The following PTPDC1 variants were observed in gnomAD, a reference collection of about 807,000 sequenced individuals.
PTPDC1 encodes protein tyrosine phosphatase domain-containing protein 1.
PTPDC1 carries 53 observed loss-of-function variants against 75.3 expected under a neutral mutation model. That is an observed-to-expected ratio of 0.70 (90% CI 0.56 to 0.88). The LOEUF (loss-of-function observed/expected upper bound fraction) is 0.88, where lower values mean the gene tolerates loss of function less well. Among genes scored for constraint, PTPDC1 ranks in the 40% least tolerant of loss-of-function variants. The pLI, the probability that PTPDC1 is intolerant of heterozygous loss-of-function variation, is 0.00. For synonymous variants in PTPDC1, 349 were observed against 366.2 expected, an observed-to-expected ratio of 0.95 and a Z score of 0.54; for missense variants, 925 against 998.6, an observed-to-expected ratio of 0.93 and a Z score of 0.99.
chr9:94,107,236 G>A (rs1378702133), intron 8 of PTPDC1, among the ~76,000 whole-genome samples: 1 of 152,204 alleles, frequency 6.6e-6, no homozygotes, highest in African/African-American at 2.4e-5. Context: ...TTACAGGCAT[G>A]AGCCACCACA....
At chr9:94,038,894 G>A (rs1238492554) in intron 1 of PTPDC1, among the ~76,000 whole-genome samples, 2 of 152,118 alleles carry the variant, frequency 1.3e-5, no homozygotes, top group East Asian at 3.8e-4. Context: ...CTTATTGAAA[G>A]GCATTTTAGT....
chr9:94,033,270 A>G, intron 1 of PTPDC1, among the ~76,000 whole-genome samples: 1 of 152,222 alleles, frequency 6.6e-6, no homozygotes, highest in Non-Finnish European at 1.5e-5. Context: ...ATGTTTCTTC[A>G]GAATCATGTT....
upstream of PTPDC1, among the ~76,000 whole-genome samples, chr9:94,079,780 C>T (rs1020107229): frequency 2.6e-5 from 4 of 152,170 alleles, no homozygotes; most frequent in South Asian, 2.1e-4. Context: ...GAGCTTGAGG[C>T]GGGGACAACA....
At chr9:94,094,630 G>C (rs902770403) in intron 4 of PTPDC1, among the ~76,000 whole-genome samples, 1 of 152,202 alleles carries the variant, frequency 6.6e-6, no homozygotes, top group African/African-American at 2.4e-5. Context: ...CGGCTGCTTT[G>C]TTTACCTAAG....
chr9:94,095,388 G>A lies in PTPDC1; in HGVS notation c.688G>A (p.Val230Met), dbSNP rs747662948. The change falls in exon 5 of 9, where the codon GTG becomes ATG. Residue 230 changes from valine to methionine, a missense_variant. Val to Met is a conservative substitution (Grantham distance 21). Transcript: ENST00000620992. ...TACTACTATCCTAGATATGGTGAAGGTGATGACATTTGCCTTACAGGAAGG... is the reference window on the plus strand; with the variant it reads ...TACTACTATCCTAGATATGGTGAAGATGATGACATTTGCCTTACAGGAAGG... ...SLTTILDMVK[V>M]MTFALQEGKV... 3 of 1,613,224 alleles carry A rather than the reference G, an allele frequency of 1.9e-6. No homozygotes were observed. In the African/African-American group the frequency reaches 4.0e-5, roughly 22 times the overall value.
intron 2 of PTPDC1, among the ~76,000 whole-genome samples, chr9:94,076,013 T>TTTG (rs1826673302): frequency 6.6e-6 from 1 of 151,506 alleles, no homozygotes; most frequent in Admixed American, 6.6e-5. Context: ...TTGTTTGTTT[T>TTTG]TTTGAGACGG....
In PTPDC1 at chr9:94,107,827, G is replaced by A; in HGVS notation, c.2311-1G>A. ...CTGAATATAAATTTCTTTGTCACCA[G>A]GTTAATTTTGATTCTGAAAATGGAC... is the stretch of plus-strand genomic sequence containing the variant. On this transcript the variant is annotated splice_acceptor_variant, in intron 8 of 8. Transcript: ENST00000620992. LOFTEE classifies it high-confidence loss of function. 1 of 1,560,786 alleles carries A rather than the reference G, an allele frequency of 6.4e-7. No individual in the cohort carries two copies. The highest frequency in any genetic ancestry group is 1.2e-5 in the South Asian group (1 of 86,164).
At chr9:94,040,643 C>T (rs1825402782) in intron 1 of PTPDC1, among the ~76,000 whole-genome samples, 3 of 152,002 alleles carry the variant, frequency 2.0e-5, no homozygotes, top group African/African-American at 7.2e-5. Context: ...ATACTCCCAT[C>T]ATTAGTATTT....
At chr9:94,047,796 G>C (rs909788300) in intron 1 of PTPDC1, among the ~76,000 whole-genome samples, 13 of 152,158 alleles carry the variant, frequency 8.5e-5, no homozygotes, top group Admixed American at 2.0e-4. Context: ...ACACCTCTAT[G>C]CAAATAAACT....
chr9:94,034,607 G>C (rs377607710), intron 1 of PTPDC1, among the ~76,000 whole-genome samples: 1 of 152,104 alleles, frequency 6.6e-6, no homozygotes, highest in African/African-American at 2.4e-5. Context: ...AGATTTCCTA[G>C]GTCTGAAATG....
At chr9:94,047,939 C>CA (rs1564010476) in intron 1 of PTPDC1, among the ~76,000 whole-genome samples, 1 of 152,144 alleles carries the variant, frequency 6.6e-6, no homozygotes, top group East Asian at 1.9e-4. Context: ...GCTTACCAAC[C>CA]AAAAAAAGTC....
At chr9:94,091,812 G>A (rs550644099) in intron 4 of PTPDC1, among the ~76,000 whole-genome samples, 33 of 152,150 alleles carry the variant, frequency 2.2e-4, no homozygotes, top group Non-Finnish European at 4.7e-4. Flanking sequence ...TTAGTCTTGG[G>A]AGAGTTTATG....
intron 4 of PTPDC1, among the ~76,000 whole-genome samples, chr9:94,092,158 T>A (rs1827350181): frequency 6.6e-6 from 1 of 151,752 alleles, no homozygotes; most frequent in African/African-American, 2.4e-5. Context: ...CTTTTCTAGT[T>A]CTTTTAATTG....
chr9:94,036,019 A>ATTTTT (rs1825251224), intron 1 of PTPDC1, among the ~76,000 whole-genome samples: 1 of 74,048 alleles, frequency 1.4e-5, no homozygotes, highest in Admixed American at 1.4e-4. Context: ...TAATCGGATT[A>ATTTTT]TTTGTTTTTT....
intron 2 of PTPDC1, among the ~76,000 whole-genome samples, chr9:94,086,266 A>G (rs1240032202): frequency 2.6e-5 from 4 of 152,200 alleles, no homozygotes. Context: ...GTCCATCACT[A>G]TCATACTAAT....
At chr9:94,095,067 C>T (rs899867460) in intron 4 of PTPDC1, among the ~76,000 whole-genome samples, 3 of 152,204 alleles carry the variant, frequency 2.0e-5, no homozygotes, top group African/African-American at 7.2e-5. Context: ...AGCTGTAGAC[C>T]GGAGCTGTTC....
chr9:94,102,478 C>T (rs1162748257), intron 7 of PTPDC1, among the ~76,000 whole-genome samples: 5 of 151,944 alleles, frequency 3.3e-5, no homozygotes, highest in Non-Finnish European at 5.9e-5. Flanking sequence ...ATCTAGGAAA[C>T]GGGAGAAATT....
chr9:94,083,395 A>G (rs1265823279), upstream of PTPDC1, among the ~76,000 whole-genome samples: 1 of 152,168 alleles, frequency 6.6e-6, no homozygotes, highest in Non-Finnish European at 1.5e-5. Context: ...ACAAAAGTGC[A>G]CATTACTGGG....
chr9:94,044,103 GTTC>G (rs1387858686), intron 1 of PTPDC1, among the ~76,000 whole-genome samples: 1 of 152,084 alleles, frequency 6.6e-6, no homozygotes, highest in African/African-American at 2.4e-5. Context: ...CTGCAACTTT[GTTC>G]TTCTTTTCCG....
Sources: allele counts gnomAD v4.1 joint callset (sites outside exome capture counted in the v4.1 genomes callset), GRCh38; gene constraint gnomAD v4.1.1; transcripts MANE v1.5; gene names NCBI Gene and HGNC (gene_info 2026-07-23, HGNC 2026-07-21).